The following PARD3B variants were observed in gnomAD, a reference collection of about 807,000 sequenced individuals.
The protein encoded by PARD3B is partitioning defective 3 homolog B.
A neutral mutation model predicts 130.2 loss-of-function variants in PARD3B; 103 were observed. The observed-to-expected ratio is 0.79, with a 90% confidence interval of 0.67 to 0.93. PARD3B has a LOEUF of 0.93. PARD3B is among the 40% of genes least tolerant of loss of function. The pLI, the probability that PARD3B is intolerant of heterozygous loss-of-function variation, is 0.00. For synonymous variants in PARD3B, 583 were observed against 553.2 expected (o/e 1.05, Z -0.76); for missense variants, 1,609 against 1,499.2 (o/e 1.07, Z -1.21).
At chr2:204,914,101 G>C (rs1453003994) in intron 2 of PARD3B, among the ~76,000 whole-genome samples, 2 of 152,178 alleles carry the variant, frequency 1.3e-5, no homozygotes, top group African/African-American at 4.8e-5. Context: ...GCACAATGGG[G>C]CGGAGCCTTG....
intron 2 of PARD3B, among the ~76,000 whole-genome samples, chr2:204,820,305 G>C (rs1049477568): frequency 6.6e-6 from 1 of 151,294 alleles, no homozygotes; most frequent in African/African-American, 2.4e-5. Context: ...TTGAACTCCC[G>C]ACCTTAAGTG....
intron 2 of PARD3B, among the ~76,000 whole-genome samples, chr2:204,712,701 A>G (rs2038515425): frequency 6.6e-6 from 1 of 152,020 alleles, no homozygotes; most frequent in Admixed American, 6.6e-5. Flanking sequence ...AGAGTAACTA[A>G]TATGATTGAT....
intron 2 of PARD3B, among the ~76,000 whole-genome samples, chr2:204,713,696 G>A (rs2038575729): frequency 6.6e-6 from 1 of 152,064 alleles, no homozygotes; most frequent in South Asian, 2.1e-4. Flanking sequence ...TACTTAGTAT[G>A]TCAAGGTTTA....
chr2:205,336,791 C>A (rs1276328457), intron 18 of PARD3B, among the ~76,000 whole-genome samples: 1 of 152,066 alleles, frequency 6.6e-6, no homozygotes, highest in Non-Finnish European at 1.5e-5. Context: ...ACCCTAAATG[C>A]CTTAGCTGGG....
At chr2:204,937,255 T>A (rs1688531481) in intron 2 of PARD3B, among the ~76,000 whole-genome samples, 1 of 152,248 alleles carries the variant, frequency 6.6e-6, no homozygotes, top group Non-Finnish European at 1.5e-5. Flanking sequence ...GACTTGCACA[T>A]GCATCTTCTT....
intron 4 of PARD3B, among the ~76,000 whole-genome samples, chr2:205,062,703 G>T (rs538342949): frequency 2.0e-5 from 3 of 152,246 alleles, no homozygotes; most frequent in African/African-American, 7.2e-5. Context: ...GAATAAATTA[G>T]CAGAGAGAAA....
At chr2:204,840,040 G>T (rs2044204122) in intron 2 of PARD3B, among the ~76,000 whole-genome samples, 1 of 151,996 alleles carries the variant, frequency 6.6e-6, no homozygotes, top group Non-Finnish European at 1.5e-5. Flanking sequence ...ATTCAGGGAG[G>T]GAAGGTAAGG....
rs548102795 is a variant in PARD3B, at chr2:205,079,714, C to G, written c.505-24712C>G. Among the ~76,000 whole-genome samples, 71 of 152,142 alleles carry G rather than the reference C, an allele frequency of 4.7e-4. 1 individual carries two copies. The South Asian group carries it at 0.014, about 29-fold the overall frequency. On this transcript the variant is annotated intron_variant, in intron 4 of 22. Coordinates refer to ENST00000406610, the MANE Select transcript of PARD3B (RefSeq NM_001302769.2). ...TTTTAGAAATTAGTAATATATTATT[C>G]TAAGTATACATAAATAATGTGTGCT...
chr2:205,070,967 T>C (rs1215520328), intron 4 of PARD3B, among the ~76,000 whole-genome samples: 1 of 152,094 alleles, frequency 6.6e-6, no homozygotes, highest in Non-Finnish European at 1.5e-5. Context: ...GGCTATTTGA[T>C]TACCTGGAAA....
intron 2 of PARD3B, among the ~76,000 whole-genome samples, chr2:204,828,689 C>A (rs940776726): frequency 2.0e-5 from 3 of 152,098 alleles, no homozygotes; most frequent in Non-Finnish European, 2.9e-5. Context: ...TTAATTTATT[C>A]TTTAGTTCTA....
intron 10 of PARD3B, among the ~76,000 whole-genome samples, chr2:205,126,346 G>A (rs2031394306): frequency 6.6e-6 from 1 of 152,084 alleles, no homozygotes; most frequent in Admixed American, 6.6e-5. Flanking sequence ...CATGTACATT[G>A]ATTTTTTCCC....
chr2:204,638,407 T>G (rs1402821194), intron 1 of PARD3B, among the ~76,000 whole-genome samples: 6 of 152,330 alleles, frequency 3.9e-5, no homozygotes, highest in African/African-American at 1.4e-4. Flanking sequence ...TCATGTGCAG[T>G]TAAAGAACTG....
intron 13 of PARD3B, among the ~76,000 whole-genome samples, chr2:205,182,671 A>G (rs760947725): frequency 3.3e-5 from 5 of 152,238 alleles, no homozygotes; most frequent in Non-Finnish European, 5.9e-5. Context: ...ATTACTTTAC[A>G]TAATATTAAG....
chr2:205,118,622 C>T (rs2030218775), intron 6 of PARD3B, among the ~76,000 whole-genome samples: 1 of 152,210 alleles, frequency 6.6e-6, no homozygotes, highest in African/African-American at 2.4e-5. Context: ...CTCCAAACCA[C>T]AAGTCTTTGG....
In PARD3B at chr2:204,545,987, G is replaced by A; in HGVS notation, c.-13G>A. 1 of 1,552,118 alleles carries A rather than the reference G, an allele frequency of 6.4e-7. No homozygotes were observed. Among genetic ancestry groups the A allele is most frequent in the Non-Finnish European group, 8.7e-7 (1 of 1,148,622 alleles). ...CTGTTCGGCCCGGCCCGGCGTGGTC[G>A]CCGGGGGCCAGGATGAAAGTGACCG... On this transcript the variant is annotated 5_prime_UTR_variant, in exon 1 of 23. Transcript: ENST00000406610.
At chr2:204,885,692 G>A (rs946450826) in intron 2 of PARD3B, among the ~76,000 whole-genome samples, 2 of 152,112 alleles carry the variant, frequency 1.3e-5, no homozygotes, top group African/African-American at 4.8e-5. Flanking sequence ...GAAACAATTT[G>A]TTGAGCCTGA....
rs574303368 is a variant in PARD3B, at chr2:205,572,315, T to G, written c.3260+18912T>G. Among the ~76,000 whole-genome samples the G allele has an allele frequency of 2.6e-5, 4 of 152,224 alleles. No individual in the cohort carries two copies. The highest frequency in any genetic ancestry group is 4.8e-5 in the African/African-American group (2 of 41,464). On this transcript the variant is annotated intron_variant, in intron 22 of 22. Coordinates refer to ENST00000406610, the MANE Select transcript of PARD3B (RefSeq NM_001302769.2). The surrounding 1 kb of genome is among the most constrained non-coding windows in gnomAD (Gnocchi z 4.2). The stretch of plus-strand genomic sequence containing the variant: ...GAATTTGAAGAAGTGGCAAGATGTG[T>G]AGCACTTTATACAACACGCTAGGGA...
intron 3 of PARD3B, among the ~76,000 whole-genome samples, chr2:205,006,386 A>G (rs1360855623): frequency 2.0e-5 from 3 of 152,340 alleles, no homozygotes; most frequent in African/African-American, 7.2e-5. Flanking sequence ...AGAAATCTCC[A>G]TGCTATTTTC....
chr2:205,304,184 G>A (rs978076832), intron 18 of PARD3B, among the ~76,000 whole-genome samples: 1 of 152,158 alleles, frequency 6.6e-6, no homozygotes, highest in African/African-American at 2.4e-5. Flanking sequence ...TACATTTCCA[G>A]TGCTCATGAA....
Sources: gnomAD v4.1 joint callset for allele counts (sites outside exome capture counted in the v4.1 genomes callset) on GRCh38, gnomAD v4.1.1 for gene constraint, Gnocchi (gnomAD v3.1) non-coding constraint, MANE v1.5 for transcripts, NCBI Gene and HGNC (gene_info 2026-07-23, HGNC 2026-07-21) for gene names.